PPEF1: variants seen among roughly 807,000 people sequenced by gnomAD.
PPEF1 encodes the protein protein phosphatase with EF-hand domain 1, also known as serine/threonine-protein phosphatase with EF-hands 1.
A neutral mutation model predicts 53.3 loss-of-function variants in PPEF1; 12 were observed. The observed-to-expected ratio is 0.23, with a 90% CI of 0.14 to 0.36. The LOEUF (loss-of-function observed/expected upper bound fraction) is 0.36. Among genes scored for constraint, PPEF1 ranks in the 10% least tolerant of loss-of-function variants. The probability of loss-of-function intolerance (pLI) is 1.00; values close to 1 mark genes in which losing one functional copy is unlikely to be tolerated. For missense variants in PPEF1, 334 were observed against 490.4 expected (o/e 0.68, Z 3.01); for synonymous variants, 165 against 176.7 (o/e 0.93, Z 0.52).
intron 1 of PPEF1, among the ~76,000 whole-genome samples, chrX:18,719,961 C>G (rs931328202): frequency 8.9e-6 from 1 of 111,857 alleles, no homozygotes; most frequent in African/African-American, 3.3e-5. Flanking sequence ...ATGGACACCA[C>G]CTTACCCAAG....
In PPEF1 at chrX:18,739,801, C is replaced by A. The variant is rs970557121; in HGVS notation, c.235+5993C>A. Among the ~76,000 whole-genome samples, 3 of 112,579 alleles carry A rather than the reference C, an allele frequency of 2.7e-5. No individual in the cohort carries two copies. The East Asian group carries it at 8.4e-4, about 32-fold the overall frequency. On this transcript the variant is annotated intron_variant, in intron 3 of 15. Coordinates refer to ENST00000470157, the MANE Select transcript of PPEF1 (RefSeq NM_001377996.1). ...GCTCCACCCAGTTCAAGCTTCCCGG[C>A]TGCTTTGTTTACCTACTCAAGCCTC...
chrX:18,744,336 A>G (rs1480527565), intron 3 of PPEF1, among the ~76,000 whole-genome samples: 2 of 112,032 alleles, frequency 1.8e-5, no homozygotes, highest in Non-Finnish European at 3.8e-5. Context: ...GGAAGCAGTC[A>G]TACTTGTCCT....
At position 18,725,458 on chromosome X, in the gene PPEF1, A is replaced by G. The variant is rs191808560; in HGVS notation, c.47-4723A>G. ...GATGAGCTGCAAACTGGATCCGACGACTGTTACCTGGGGTGAAGAGCAGTT... is the reference window on the plus strand; with the variant it reads ...GATGAGCTGCAAACTGGATCCGACGGCTGTTACCTGGGGTGAAGAGCAGTT... On this transcript the variant is annotated intron_variant, in intron 1 of 15. Coordinates refer to ENST00000470157, the MANE Select transcript of PPEF1 (RefSeq NM_001377996.1). Among the ~76,000 whole-genome samples the G allele has an allele frequency of 3.6e-5, 4 of 111,616 alleles. No individual in the cohort carries two copies. The East Asian group carries it at 8.5e-4, about 24-fold the overall frequency.
At chrX:18,764,518 G>GA (rs2147518846) in intron 6 of PPEF1, among the ~76,000 whole-genome samples, 1 of 111,653 alleles carries the variant, frequency 9.0e-6, no homozygotes, top group African/African-American at 3.3e-5. Context: ...TTCTGAATAA[G>GA]TTGAAGGTGG....
chrX:18,706,604 G>T (rs960295165), upstream of PPEF1, among the ~76,000 whole-genome samples: 1 of 109,637 alleles, frequency 9.1e-6, no homozygotes, highest in Admixed American at 9.7e-5. Context: ...AAATTAGCCA[G>T]GTGTGGTGGC....
intron 6 of PPEF1, among the ~76,000 whole-genome samples, chrX:18,701,032 G>A (rs1031228066): frequency 2.7e-5 from 3 of 112,014 alleles, no homozygotes; most frequent in Non-Finnish European, 3.8e-5. Flanking sequence ...AATCAGCTAC[G>A]CCAGGGAGTG....
In PPEF1 at chrX:18,826,577, C is replaced by T. The variant is rs1341015652; in HGVS notation, c.1751-699C>T. Among the ~76,000 whole-genome samples the T allele has an allele frequency of 5.6e-5, 6 of 107,208 alleles. No individual in the cohort carries two copies. The East Asian group carries it at 1.5e-3, about 26-fold the overall frequency. 93.1% of individuals were successfully genotyped at this position (107,208 alleles called of 115,157 possible). ...CTGAGTAGCTGGGATTACAGGCATG[C>T]GCCACCACACCCTGATAATTTTTAT... On this transcript the variant is annotated intron_variant, in intron 15 of 15. Transcript: ENST00000470157.
intron 12 of PPEF1, among the ~76,000 whole-genome samples, chrX:18,815,315 A>ATCTT (rs59614058): frequency 0.043 from 4,818 of 110,946 alleles, 266 homozygotes; most frequent in African/African-American, 0.15. Context: ...TTTTCTTGTG[A>ATCTT]TCTTTATCTG....
At chrX:18,684,804 A>C (rs965790790) in intron 2 of PPEF1, among the ~76,000 whole-genome samples, 2 of 110,350 alleles carry the variant, frequency 1.8e-5, no homozygotes, top group African/African-American at 6.6e-5. Context: ...TTTTTGTATT[A>C]TTAGTAGGGA....
At chrX:18,757,862 T>G in intron 5 of PPEF1, 121 bp downstream of exon 5, 1 of 475,314 alleles carries the variant, frequency 2.1e-6, no homozygotes, top group Non-Finnish European at 3.6e-6. Flanking sequence ...AATATAGAAT[T>G]ATCTATCATG....
chrX:18,746,864 G>A (rs568507010), intron 3 of PPEF1, among the ~76,000 whole-genome samples: 3 of 111,919 alleles, frequency 2.7e-5, no homozygotes, highest in Admixed American at 9.5e-5. Flanking sequence ...CTTACATGCT[G>A]TACCCCATTT....
intron 13 of PPEF1, among the ~76,000 whole-genome samples, chrX:18,818,600 A>G (rs752917549): frequency 9.0e-6 from 1 of 111,254 alleles, no homozygotes; most frequent in Non-Finnish European, 1.9e-5. Flanking sequence ...TAAACTCCTG[A>G]CCTCATGATC....
intron 5 of PPEF1, among the ~76,000 whole-genome samples, chrX:18,761,188 A>G (rs2045655993): frequency 8.9e-6 from 1 of 111,838 alleles, no homozygotes; most frequent in Admixed American, 9.5e-5. Context: ...CCTCATTTGT[A>G]AGATGAGAAT....
In PPEF1 at chrX:18,762,199, C is replaced by T. The variant is rs778616976; in HGVS notation, c.558+623C>T. On this transcript the variant is annotated intron_variant, in intron 6 of 15. Transcript: ENST00000470157. The stretch of plus-strand genomic sequence containing the variant: ...TCTGTCTCTGGGCCAAGAGTTACAG[C>T]CTGAATGTTTGCTTCAGGGATGGCT... Among the ~76,000 whole-genome samples the T allele has an allele frequency of 9.6e-4, 107 of 111,541 alleles. 2 individuals carry two copies. In the South Asian group the frequency reaches 0.039, roughly 41 times the overall value.
In PPEF1 at chrX:18,806,412, A is replaced by G; in HGVS notation, c.1261A>G (p.Ile421Val). The stretch of plus-strand genomic sequence containing the variant: ...CTTTTTCTTTAACCAGGTGGTGACT[A>G]TATTTTCTGCTTCTAATTATTATGA... ...EICHDGKVVT[I>V]FSASNYYEEG... Residue 421 changes from isoleucine (I) to valine (V), a missense_variant, in exon 12 of 16, where the codon ATA becomes GTA. Coordinates refer to ENST00000470157, the MANE Select transcript of PPEF1 (RefSeq NM_001377996.1). 1.7e-6 allele frequency: 2 copies of G among 1,207,425 alleles called. No individual in the cohort carries two copies. The highest frequency in any genetic ancestry group is 1.8e-5 in the South Asian group (1 of 56,468).
Position 18,749,853 on chromosome X carries a change from C to T in PPEF1, c.297C>T (p.Asp99=), listed in dbSNP as rs150392543. The T allele has an allele frequency of 1.4e-4, 167 of 1,166,377 alleles. No individual in the cohort carries two copies. The African/African-American group carries it at 1.9e-3, about 14-fold the overall frequency. The change falls in exon 4 of 16, where the codon GAC becomes GAT. Residue 99 remains aspartate (D), a synonymous_variant. Coordinates refer to ENST00000470157, the MANE Select transcript of PPEF1 (RefSeq NM_001377996.1). ...QDMRDRWDYV[D]SIDVPDSYNG... ...TGAGGGATAGATGGGATTATGTGGA[C>T]TCGATAGATGTCCCAGACTCCTATA...
chrX:18,757,922 A>G (rs1256675641), intron 5 of PPEF1, among the ~76,000 whole-genome samples, 181 bp downstream of exon 5: 1 of 112,273 alleles, frequency 8.9e-6, no homozygotes, highest in Non-Finnish European at 1.9e-5. Context: ...GCTGGCAGGA[A>G]TTAATTATGT....
chrX:18,810,333 G>A (rs993617971), intron 12 of PPEF1, among the ~76,000 whole-genome samples: 3 of 102,172 alleles, frequency 2.9e-5, no homozygotes, highest in Non-Finnish European at 5.9e-5. Flanking sequence ...CTCTCTCTGC[G>A]CACACACACA....
intron 1 of PPEF1, among the ~76,000 whole-genome samples, chrX:18,727,721 C>G (rs777207089): frequency 3.9e-4 from 44 of 111,595 alleles, no homozygotes; most frequent in African/African-American, 1.4e-3. Flanking sequence ...TCCAGAACTT[C>G]TGACTGACCA....
Sources: gnomAD v4.1 joint callset for allele counts (sites outside exome capture counted in the v4.1 genomes callset) on GRCh38, gnomAD v4.1.1 for gene constraint, MANE v1.5 for transcripts, NCBI Gene and HGNC (gene_info 2026-07-23, HGNC 2026-07-21) for gene names.